CTIF: variants seen among roughly 807,000 people sequenced by gnomAD.
The protein encoded by CTIF is cap binding complex dependent translation initiation factor, also known as CBP80/20-dependent translation initiation factor.
In CTIF, 21 loss-of-function variants were observed where a neutral mutation model predicts 66.0. That is an observed-to-expected ratio of 0.32 (90% CI 0.23 to 0.46). CTIF has a LOEUF of 0.46. Among genes scored for constraint, CTIF ranks in the 20% least tolerant of loss-of-function variants. The pLI is 1.00. For synonymous variants in CTIF, 345 were observed against 326.4 expected (o/e 1.06, Z -0.62); for missense variants, 739 against 812.7 (o/e 0.91, Z 1.10).
chr18:48,701,337 A>G (rs1021163660), intron 6 of CTIF, among the ~76,000 whole-genome samples: 1 of 152,104 alleles, frequency 6.6e-6, no homozygotes, highest in Admixed American at 6.5e-5. Context: ...TTATCCAGGG[A>G]ATGGAGCATG....
At chr18:48,656,708 C>T (rs758389532) in intron 3 of CTIF, among the ~76,000 whole-genome samples, 17 of 152,098 alleles carry the variant, frequency 1.1e-4, no homozygotes, top group Non-Finnish European at 2.4e-4. Flanking sequence ...GGGGCTGTCA[C>T]GAAGGATTCA....
chr18:48,825,115 T>C (rs1452601173), intron 10 of CTIF, among the ~76,000 whole-genome samples: 2 of 151,832 alleles, frequency 1.3e-5, no homozygotes, highest in Non-Finnish European at 2.9e-5. Context: ...TAGCCAGAGG[T>C]CAGGAGTGGA....
chr18:48,802,683 G>A (rs2068071073), intron 9 of CTIF, among the ~76,000 whole-genome samples: 2 of 152,232 alleles, frequency 1.3e-5, no homozygotes, highest in Admixed American at 1.3e-4. Context: ...ACATCAGGCA[G>A]GCGGCAGAGA....
At chr18:48,782,042 A>G (rs1911283635) in intron 9 of CTIF, among the ~76,000 whole-genome samples, 1 of 151,546 alleles carries the variant, frequency 6.6e-6, no homozygotes, top group Non-Finnish European at 1.5e-5. Context: ...CTAGGTGCTG[A>G]GTGGTGGGCA....
chr18:48,713,509 G>A (rs2092249877), intron 7 of CTIF, among the ~76,000 whole-genome samples: 1 of 152,148 alleles, frequency 6.6e-6, no homozygotes, highest in African/African-American at 2.4e-5. Context: ...CGGCTGGGAA[G>A]CCGAGCTTCC....
Position 48,802,808 on chromosome 18 carries a change from G to A in CTIF, c.1372-14413G>A, listed in dbSNP as rs536686667. On this transcript the variant is annotated intron_variant, in intron 9 of 11. Coordinates refer to ENST00000256413, the MANE Select transcript of CTIF (RefSeq NM_014772.3). Reference sequence around the variant, plus strand: ...CCTTGACCTGACAAGTGGTACTAACGTCCTCCCTGAGGCTGAGTCCAGTGA... The same window carrying A: ...CCTTGACCTGACAAGTGGTACTAACATCCTCCCTGAGGCTGAGTCCAGTGA... 3.9e-5 allele frequency among the ~76,000 whole-genome samples: 6 copies of A among 152,314 alleles called. No homozygotes were observed. The South Asian group carries it at 8.3e-4, about 21-fold the overall frequency.
At chr18:48,654,929 A>G (rs950116258) in intron 3 of CTIF, among the ~76,000 whole-genome samples, 1 of 151,678 alleles carries the variant, frequency 6.6e-6, no homozygotes, top group Non-Finnish European at 1.5e-5. Context: ...AACAATGAGA[A>G]CACTTGGACA....
chr18:48,779,131 A>G (rs1910975808), intron 9 of CTIF, among the ~76,000 whole-genome samples: 1 of 152,304 alleles, frequency 6.6e-6, no homozygotes, highest in East Asian at 1.9e-4. Flanking sequence ...TGGTGTTAGT[A>G]TAAACACAAC....
intron 7 of CTIF, among the ~76,000 whole-genome samples, chr18:48,714,484 G>A (rs2092260611): frequency 6.6e-6 from 1 of 152,148 alleles, no homozygotes; most frequent in Non-Finnish European, 1.5e-5. Flanking sequence ...CCTGCAAAGT[G>A]GCTGGAGTTG....
intron 1 of CTIF, among the ~76,000 whole-genome samples, chr18:48,546,385 CAG>C (rs1462250429): frequency 6.6e-6 from 1 of 152,126 alleles, no homozygotes; most frequent in Non-Finnish European, 1.5e-5. Context: ...GGAGGTCAGT[CAG>C]GGAAGGTTTC....
At chr18:48,673,407 C>A (rs1288840992) in intron 6 of CTIF, among the ~76,000 whole-genome samples, 2 of 150,944 alleles carry the variant, frequency 1.3e-5, no homozygotes, top group South Asian at 4.3e-4. Flanking sequence ...ATGCTCTTCT[C>A]GGTGTGATTT....
chr18:48,626,404 A>G (rs1427735438), intron 2 of CTIF, among the ~76,000 whole-genome samples: 1 of 151,196 alleles, frequency 6.6e-6, no homozygotes, highest in Non-Finnish European at 1.5e-5. Context: ...CTAGATTGCC[A>G]TGGCATGCTC....
intron 3 of CTIF, among the ~76,000 whole-genome samples, chr18:48,657,122 G>A (rs542337944): frequency 2.0e-5 from 3 of 152,294 alleles, no homozygotes; most frequent in African/African-American, 7.2e-5. Flanking sequence ...CCCAAAGGGG[G>A]TTCCATGGAA....
Position 48,754,518 on chromosome 18 carries a change from C to T in CTIF, c.585-3401C>T, listed in dbSNP as rs188511322. The stretch of plus-strand genomic sequence containing the variant: ...GAGGACAGAGGGACAGTCTTAGTGC[C>T]TCTTCCTCCAGTGGCATCTGGGTTC... On this transcript the variant is annotated intron_variant, in intron 7 of 11. Coordinates refer to ENST00000256413, the MANE Select transcript of CTIF (RefSeq NM_014772.3). Among the ~76,000 whole-genome samples the T allele has an allele frequency of 5.9e-5, 9 of 152,364 alleles. No homozygotes were observed. The East Asian group carries it at 1.7e-3, about 29-fold the overall frequency.
chr18:48,650,616 A>G (rs1206834447), intron 3 of CTIF, among the ~76,000 whole-genome samples: 1 of 152,230 alleles, frequency 6.6e-6, no homozygotes, highest in African/African-American at 2.4e-5. Context: ...TTCAGGAAAT[A>G]CAGAGAACAC....
intron 9 of CTIF, among the ~76,000 whole-genome samples, chr18:48,788,772 T>C (rs1456813464): frequency 2.0e-5 from 3 of 152,100 alleles, no homozygotes. Flanking sequence ...GGGAGGTCAC[T>C]ACAGAAAAAA....
intron 2 of CTIF, among the ~76,000 whole-genome samples, chr18:48,627,538 G>A (rs1416643655): frequency 4.0e-5 from 6 of 151,864 alleles, no homozygotes; most frequent in Admixed American, 3.9e-4. Flanking sequence ...GGGCAACATG[G>A]TGAAACTCAG....
At chr18:48,631,533 T>TA (rs2090713195) in intron 2 of CTIF, among the ~76,000 whole-genome samples, 1 of 91,064 alleles carries the variant, frequency 1.1e-5, no homozygotes, top group Non-Finnish European at 3.0e-5. Flanking sequence ...TTATTTTCAT[T>TA]GTTTTTTATT....
chr18:48,678,056 C>T lies in CTIF; in HGVS notation c.507+7312C>T, dbSNP rs2145103629. Among the ~76,000 whole-genome samples, 2 of 152,326 alleles carry T rather than the reference C, an allele frequency of 1.3e-5. 1 individual carries two copies. The highest frequency in any genetic ancestry group is 4.1e-4 in the South Asian group (2 of 4,826). On this transcript the variant is annotated intron_variant, in intron 6 of 11. Transcript: ENST00000256413. ...GATTGGAATCCAGGCAGCCTGACTCCTCTGGTACCTCTTTCTAAGGAGGGA... is the reference window on the plus strand; with the variant it reads ...GATTGGAATCCAGGCAGCCTGACTCTTCTGGTACCTCTTTCTAAGGAGGGA...
Sources: gnomAD v4.1 joint callset for allele counts (sites outside exome capture counted in the v4.1 genomes callset) on GRCh38, gnomAD v4.1.1 for gene constraint, MANE v1.5 for transcripts, NCBI Gene and HGNC (gene_info 2026-07-23, HGNC 2026-07-21) for gene names.